Variants in TCF4 observed in about 807,000 individuals in gnomAD.
TCF4 encodes transcription factor 4.
A neutral mutation model predicts 82.1 loss-of-function variants in TCF4; 3 were observed. The ratio of observed to expected loss-of-function variants is 0.04; its 90% CI spans 0.02 to 0.09. The LOEUF (loss-of-function observed/expected upper bound fraction) is 0.09. Ranked by LOEUF, TCF4 falls within the 10% of genes least tolerant of loss-of-function variation. The pLI is 1.00. For missense variants in TCF4, 518 were observed against 852.7 expected (o/e 0.61, Z 4.89); for synonymous variants, 276 against 309.6 (o/e 0.89, Z 1.14).
chr18:55,333,852 T>C (rs748144755), intron 8 of TCF4, among the ~76,000 whole-genome samples: 24 of 152,232 alleles, frequency 1.6e-4, no homozygotes, highest in African/African-American at 4.1e-4. Flanking sequence ...CTGTGCAAAG[T>C]AGTTTCAATG....
chr18:55,470,764 G>A (rs2096158642), intron 3 of TCF4, among the ~76,000 whole-genome samples: 1 of 152,162 alleles, frequency 6.6e-6, no homozygotes, highest in South Asian at 2.1e-4. Flanking sequence ...ATTGCTCTAA[G>A]TCTACAGATT....
intron 3 of TCF4, among the ~76,000 whole-genome samples, chr18:55,470,207 G>A (rs764279402): frequency 9.2e-5 from 14 of 152,162 alleles, no homozygotes; most frequent in Non-Finnish European, 1.3e-4. Flanking sequence ...TACTTGATCC[G>A]TAGTAAATAT....
intron 2 of TCF4, among the ~76,000 whole-genome samples, chr18:55,628,495 T>C (rs191655466): frequency 1.3e-5 from 2 of 152,300 alleles, no homozygotes; most frequent in Non-Finnish European, 2.9e-5. Context: ...TTCACTAATA[T>C]AGAGTTAACT....
chr18:55,387,147 G>T (rs550700584), intron 6 of TCF4, among the ~76,000 whole-genome samples: 24 of 152,324 alleles, frequency 1.6e-4, no homozygotes, highest in Middle Eastern at 3.4e-3. Context: ...CCCACTTATG[G>T]CTCCAAAGTT....
intron 2 of TCF4, among the ~76,000 whole-genome samples, chr18:55,615,525 C>T (rs1391040727): frequency 6.6e-6 from 1 of 151,724 alleles, no homozygotes; most frequent in African/African-American, 2.4e-5. Flanking sequence ...TATTCCTTTC[C>T]TTGCCTTATT....
At chr18:55,559,965 G>T (rs529492224) in intron 3 of TCF4, among the ~76,000 whole-genome samples, 1 of 152,134 alleles carries the variant, frequency 6.6e-6, no homozygotes, top group East Asian at 1.9e-4. Context: ...AAACACAGCT[G>T]CTGGATCTAA....
chr18:55,307,027 TC>T (rs1399424040), intron 8 of TCF4, among the ~76,000 whole-genome samples: 3 of 152,188 alleles, frequency 2.0e-5, no homozygotes, highest in Non-Finnish European at 4.4e-5. Flanking sequence ...GCATTCAAAG[TC>T]CATGTGTTAA....
upstream of TCF4, chr18:55,588,412 A>T (rs972837165): frequency 2.0e-6 from 3 of 1,534,246 alleles, no homozygotes; most frequent in African/African-American, 2.7e-5. Context: ...GGAAAAAAAA[A>T]AAATCTCAAC....
intron 3 of TCF4, among the ~76,000 whole-genome samples, chr18:55,497,852 GGA>G (rs2096654259): frequency 6.6e-6 from 1 of 151,950 alleles, no homozygotes; most frequent in East Asian, 1.9e-4. Flanking sequence ...ACATGAAATT[GGA>G]AGGGGAAAAA....
chr18:55,498,091 A>G lies in TCF4; in HGVS notation c.146-33954T>C, dbSNP rs142258504. Among the ~76,000 whole-genome samples, 22 of 152,332 alleles carry G rather than the reference A, an allele frequency of 1.4e-4. No individual in the cohort carries two copies. In the East Asian group the frequency reaches 3.7e-3, roughly 25 times the overall value. On this transcript the variant is annotated intron_variant, in intron 3 of 19. Transcript: ENST00000354452. ...AGTGTTTCCTTCCCTGGGAGTCTACACCAAGATATTTTTACAAGGAGGCTC... is the reference window on the plus strand; with the variant it reads ...AGTGTTTCCTTCCCTGGGAGTCTACGCCAAGATATTTTTACAAGGAGGCTC...
chr18:55,302,996 C>T (rs2068810988), intron 8 of TCF4, among the ~76,000 whole-genome samples: 1 of 152,126 alleles, frequency 6.6e-6, no homozygotes, highest in Non-Finnish European at 1.5e-5. Flanking sequence ...ATCCAGATTT[C>T]TCTTATGGTG....
chr18:55,389,144 T>C (rs1287459648), intron 6 of TCF4, among the ~76,000 whole-genome samples: 3 of 151,962 alleles, frequency 2.0e-5, no homozygotes, highest in Non-Finnish European at 2.9e-5. Flanking sequence ...AATAAATAAA[T>C]AAATCCAGCC....
At chr18:55,252,589 G>T (rs1259446088) in intron 15 of TCF4, among the ~76,000 whole-genome samples, 2 of 152,014 alleles carry the variant, frequency 1.3e-5, no homozygotes, top group Admixed American at 1.3e-4. Context: ...GTCCCCAAAA[G>T]TATTTATGTA....
intron 5 of TCF4, among the ~76,000 whole-genome samples, chr18:55,438,266 G>T (rs1048671652): frequency 6.6e-6 from 1 of 151,052 alleles, no homozygotes; most frequent in Non-Finnish European, 1.5e-5. Context: ...AGAGGCCTCT[G>T]CTCAGCCCCT....
chr18:55,420,011 C>G (rs989892616), intron 5 of TCF4, among the ~76,000 whole-genome samples: 2 of 152,106 alleles, frequency 1.3e-5, no homozygotes, highest in African/African-American at 4.8e-5. Flanking sequence ...ACTGATCACC[C>G]ACAGGTTTCC....
intron 3 of TCF4, among the ~76,000 whole-genome samples, chr18:55,466,511 T>C (rs2096023549): frequency 6.6e-6 from 1 of 152,166 alleles, no homozygotes; most frequent in East Asian, 1.9e-4. Context: ...AATATATATA[T>C]ATATTTTTGG....
chr18:55,391,803 TGGCACAC>T (rs1015575298), intron 6 of TCF4, among the ~76,000 whole-genome samples: 36 of 150,510 alleles, frequency 2.4e-4, no homozygotes, highest in African/African-American at 8.3e-4. Flanking sequence ...CCAGCCCAGG[TGGCACAC>T]GCCTGTAATC....
intron 5 of TCF4, among the ~76,000 whole-genome samples, chr18:55,453,562 T>C (rs1364372611): frequency 6.6e-6 from 1 of 152,180 alleles, no homozygotes; most frequent in Non-Finnish European, 1.5e-5. Context: ...TCAAGTAACA[T>C]TTTTCTGTTT....
rs2046032934 is a variant in TCF4, at chr18:55,222,726, G to A, written c.*5309C>T. Reference sequence around the variant, plus strand: ...ATTTCTACAGTGCAATGTTGAAATAGCCTCCAAATTTTGCAAAGTAGATTG... The same window carrying A: ...ATTTCTACAGTGCAATGTTGAAATAACCTCCAAATTTTGCAAAGTAGATTG... On this transcript the variant is annotated 3_prime_UTR_variant, in exon 20 of 20. Transcript: ENST00000354452. 6.6e-6 allele frequency: 1 copy of A among 152,574 alleles called. No homozygotes were observed. Among genetic ancestry groups the A allele is most frequent in the South Asian group, 2.1e-4 (1 of 4,826 alleles). The allele number at this position is 152,574 out of a possible 1,614,324, so 9.5% of individuals were successfully genotyped here.
Sources: allele counts gnomAD v4.1 joint callset (sites outside exome capture counted in the v4.1 genomes callset), GRCh38; gene constraint gnomAD v4.1.1; transcripts MANE v1.5; gene names NCBI Gene and HGNC (gene_info 2026-07-23, HGNC 2026-07-21).